The following KCNQ3 variants were observed in gnomAD, a reference collection of about 807,000 sequenced individuals.
The protein encoded by KCNQ3 is potassium voltage-gated channel subfamily KQT member 3.
A neutral mutation model predicts 92.5 loss-of-function variants in KCNQ3; 30 were observed. The observed-to-expected ratio is 0.32, with a 90% CI of 0.24 to 0.44. KCNQ3 has a LOEUF of 0.44. Among genes scored for constraint, KCNQ3 ranks in the 20% least tolerant of loss-of-function variants. The pLI is 1.00. For missense variants in KCNQ3, 913 were observed against 1,140.3 expected, an observed-to-expected ratio of 0.80 and a Z score of 2.87; for synonymous variants, 450 against 468.8, an observed-to-expected ratio of 0.96 and a Z score of 0.52.
intron 8 of KCNQ3, among the ~76,000 whole-genome samples, chr8:132,167,434 T>C (rs2130095215): frequency 6.6e-6 from 1 of 152,306 alleles, no homozygotes; most frequent in African/African-American, 2.4e-5. Flanking sequence ...GTATATAAAA[T>C]CCTCTTGTGA....
intron 12 of KCNQ3, among the ~76,000 whole-genome samples, chr8:132,135,866 C>T (rs940974766): frequency 2.1e-4 from 32 of 152,072 alleles, no homozygotes; most frequent in East Asian, 9.7e-4. Flanking sequence ...CAGTGGCTGA[C>T]GCCTGTAATA....
intron 1 of KCNQ3, among the ~76,000 whole-genome samples, chr8:132,253,751 G>A (rs940970795): frequency 1.3e-5 from 2 of 152,260 alleles, no homozygotes; most frequent in Non-Finnish European, 2.9e-5. Flanking sequence ...CGTCTTCACC[G>A]GTACTAATAG....
At chr8:132,319,364 C>T (rs1817835480) in intron 1 of KCNQ3, among the ~76,000 whole-genome samples, 2 of 152,150 alleles carry the variant, frequency 1.3e-5, no homozygotes, top group South Asian at 2.1e-4. Context: ...TGTCAACAGG[C>T]TCACTTCACC....
chr8:132,126,177 T>C lies in KCNQ3; in HGVS notation c.*3085A>G, dbSNP rs955662944. The C allele has an allele frequency of 6.6e-6, 1 of 152,240 alleles. No individual in the cohort carries two copies. The allele number at this position is 152,240 out of a possible 1,614,324, so 9.4% of individuals were successfully genotyped here. A position where few individuals can be genotyped will look rare whatever the true frequency, so the allele number is the denominator to read the frequency against. Reference sequence around the variant, plus strand: ...ATGGAATTAATTTGTCAATATTTCATGGAGTTCTGCTGAAACGATTGCAAT... The same window carrying C: ...ATGGAATTAATTTGTCAATATTTCACGGAGTTCTGCTGAAACGATTGCAAT... On this transcript the variant is annotated 3_prime_UTR_variant, in exon 15 of 15. Coordinates refer to ENST00000388996, the MANE Select transcript of KCNQ3 (RefSeq NM_004519.4).
intron 1 of KCNQ3, among the ~76,000 whole-genome samples, chr8:132,435,989 A>T (rs1425033228): frequency 6.6e-6 from 1 of 152,224 alleles, no homozygotes; most frequent in African/African-American, 2.4e-5. Flanking sequence ...GCAGTGTCCA[A>T]ATTTATTAAA....
At chr8:132,476,775 C>G (rs375815311) in intron 1 of KCNQ3, among the ~76,000 whole-genome samples, 2 of 152,052 alleles carry the variant, frequency 1.3e-5, no homozygotes, top group East Asian at 1.9e-4. Context: ...GAGTTAAGAC[C>G]TTAGGGTGCT....
chr8:132,160,140 AGTGAAGGAGGGGGCTACATAAAAT>A (rs1261730387), intron 9 of KCNQ3, among the ~76,000 whole-genome samples: 1 of 152,212 alleles, frequency 6.6e-6, no homozygotes, highest in African/African-American at 2.4e-5. Context: ...TTGCAAAGGA[AGTGAAGGAGGGGGCTACATAAAAT>A]GTGAGATAAG....
chr8:132,141,169 G>A lies in KCNQ3; in HGVS notation c.1425C>T (p.Ala475=). 6.2e-7 allele frequency: 1 copy of A among 1,614,172 alleles called. No individual in the cohort carries two copies. Among genetic ancestry groups the A allele is most frequent in the Non-Finnish European group, 8.5e-7 (1 of 1,180,032 alleles). ...GLNNKERFRT[A]FRMKAYAFWQ... is the part of the protein sequence containing the mutation. ...AGAAAGCGTAGGCTTTCATGCGGAA[G>A]GCCGTGCGGAAACGCTCTTTATTGT... The change falls in exon 10 of 15, where the codon GCC becomes GCT. Residue 475 remains alanine (A), a synonymous_variant. Transcript: ENST00000388996.
rs1263884656 is a variant in KCNQ3, at chr8:132,397,986, A to G, written c.386+82161T>C. On this transcript the variant is annotated intron_variant, in intron 1 of 14. Coordinates refer to ENST00000388996, the MANE Select transcript of KCNQ3 (RefSeq NM_004519.4). ...TTTATAAAATATTAACTCCCTGTGC[A>G]AAAGCATACACCTTTCTTTGTGTCT... Among the ~76,000 whole-genome samples the G allele has an allele frequency of 2.6e-5, 4 of 152,232 alleles. No homozygotes were observed. The East Asian group carries it at 7.7e-4, about 29-fold the overall frequency.
At chr8:132,324,445 C>T (rs889241623) in intron 1 of KCNQ3, among the ~76,000 whole-genome samples, 1 of 152,068 alleles carries the variant, frequency 6.6e-6, no homozygotes, top group Non-Finnish European at 1.5e-5. Flanking sequence ...AACAAATGGG[C>T]GAATGCAGAC....
intron 1 of KCNQ3, among the ~76,000 whole-genome samples, chr8:132,377,039 C>G (rs889986777): frequency 2.0e-5 from 3 of 152,182 alleles, no homozygotes; most frequent in African/African-American, 4.8e-5. Context: ...CTTGATTGGG[C>G]TAAGGGATGC....
intron 1 of KCNQ3, among the ~76,000 whole-genome samples, chr8:132,254,739 CGTGGT>C (rs1815524577): frequency 1.3e-5 from 2 of 152,018 alleles, no homozygotes; most frequent in African/African-American, 4.8e-5. Context: ...ATTAGCTGGG[CGTGGT>C]GGCATGTGCA....
intron 1 of KCNQ3, among the ~76,000 whole-genome samples, chr8:132,417,101 G>A (rs953955396): frequency 1.3e-5 from 2 of 152,292 alleles, no homozygotes; most frequent in Non-Finnish European, 2.9e-5. Flanking sequence ...AACCTGACAG[G>A]CTGTACGAGT....
In KCNQ3 at chr8:132,480,679, C is replaced by CAA. The variant is rs1563926206; in HGVS notation, c.-149_-148dup. ...CCGCGCGCCCCTCCCCACCCCCCCCCAAAAGCAGGCAAAGGCGGGCCCCCT... is the reference window on the plus strand; with the variant it reads ...CCGCGCGCCCCTCCCCACCCCCCCCCAAAAAAGCAGGCAAAGGCGGGCCCCCT... On this transcript the variant is annotated 5_prime_UTR_variant, in exon 1 of 15. Coordinates refer to ENST00000388996, the MANE Select transcript of KCNQ3 (RefSeq NM_004519.4). 2.3e-6 allele frequency: 2 copies of CAA among 864,982 alleles called. No homozygotes were observed. The highest frequency in any genetic ancestry group is 2.8e-6 in the Non-Finnish European group (2 of 709,438). The allele number at this position is 864,982 out of a possible 1,614,324, so 53.6% of individuals were successfully genotyped here. A position where few individuals can be genotyped will look rare whatever the true frequency, so the allele number is the denominator to read the frequency against.
At chr8:132,168,489 C>T (rs956285370) in intron 8 of KCNQ3, among the ~76,000 whole-genome samples, 2 of 152,102 alleles carry the variant, frequency 1.3e-5, no homozygotes, top group African/African-American at 4.8e-5. Context: ...GAAAGTGGCA[C>T]CTGCCACCAG....
At chr8:132,318,818 G>A (rs1014913010) in intron 1 of KCNQ3, among the ~76,000 whole-genome samples, 1 of 152,222 alleles carries the variant, frequency 6.6e-6, no homozygotes, top group Non-Finnish European at 1.5e-5. Flanking sequence ...GGGAGCATCA[G>A]TCGACCCTGA....
intron 3 of KCNQ3, 66 bp downstream of exon 3, chr8:132,184,175 C>T: frequency 6.2e-7 from 1 of 1,607,202 alleles, no homozygotes; most frequent in Non-Finnish European, 8.5e-7. Context: ...TTAAACTTTT[C>T]TCAGAGAAAC....
rs1815972557 is a variant in KCNQ3, at chr8:132,266,100, G to C, written c.387-79919C>G. ...GTAGTACTTCCCAAAGTGTAGTTAG[G>C]AATGAATGATACCATTTATGCAAAG... On this transcript the variant is annotated intron_variant, in intron 1 of 14. Transcript: ENST00000388996. Among the ~76,000 whole-genome samples the C allele has an allele frequency of 2.0e-5, 3 of 152,282 alleles. No homozygotes were observed. The South Asian group carries it at 6.2e-4, about 32-fold the overall frequency.
At chr8:132,366,772 G>A (rs1310634427) in intron 1 of KCNQ3, among the ~76,000 whole-genome samples, 3 of 152,038 alleles carry the variant, frequency 2.0e-5, no homozygotes, top group Non-Finnish European at 4.4e-5. Flanking sequence ...AAATGTTATA[G>A]ATCTCCTAAT....
Sources: allele counts gnomAD v4.1 joint callset (sites outside exome capture counted in the v4.1 genomes callset), GRCh38; gene constraint gnomAD v4.1.1; transcripts MANE v1.5; gene names NCBI Gene and HGNC (gene_info 2026-07-23, HGNC 2026-07-21).